The following GABRA3 variants were observed in gnomAD, a reference collection of about 807,000 sequenced individuals.
GABRA3 encodes the protein gamma-aminobutyric acid type A receptor subunit alpha3.
GABRA3 carries 10 observed loss-of-function variants against 30.1 expected under a neutral mutation model. The observed-to-expected ratio is 0.33, with a 90% CI of 0.20 to 0.56. The LOEUF is 0.56. Ranked by LOEUF, GABRA3 falls within the 20% of genes least tolerant of loss-of-function variation. GABRA3 has a pLI of 0.89. For missense variants in GABRA3, 233 were observed against 392.0 expected (o/e 0.59, Z 3.42); for synonymous variants, 151 against 146.8 (o/e 1.03, Z -0.21).
At chrX:152,419,331 G>T (rs958559869) in intron 1 of GABRA3, among the ~76,000 whole-genome samples, 2 of 109,492 alleles carry the variant, frequency 1.8e-5, no homozygotes, top group African/African-American at 6.6e-5. Context: ...CACAAAAAAA[G>T]AAGAAAAAAG....
At chrX:152,354,541 T>C (rs1470878028) in intron 2 of GABRA3, among the ~76,000 whole-genome samples, 1 of 111,450 alleles carries the variant, frequency 9.0e-6, no homozygotes, top group African/African-American at 3.3e-5. Flanking sequence ...CAAGAGAATA[T>C]TTGAAAGGAA....
At chrX:152,223,791 G>A (rs192501960) in intron 6 of GABRA3, among the ~76,000 whole-genome samples, 1 of 110,499 alleles carries the variant, frequency 9.0e-6, no homozygotes, top group East Asian at 2.9e-4. Flanking sequence ...AGGCATGGAT[G>A]ATTCCCCTAA....
intron 3 of GABRA3, among the ~76,000 whole-genome samples, chrX:152,304,253 C>A (rs192239231): frequency 3.6e-5 from 4 of 111,853 alleles, no homozygotes; most frequent in African/African-American, 1.3e-4. Context: ...TGTAGGTTGT[C>A]TGTTAACTCT....
chrX:152,302,490 G>T (rs1161390056), intron 3 of GABRA3, among the ~76,000 whole-genome samples: 1 of 111,303 alleles, frequency 9.0e-6, no homozygotes, highest in Non-Finnish European at 1.9e-5. Context: ...TATATAATGA[G>T]ATATTTTGGG....
rs184820400 is a variant in GABRA3 at position 152,436,427 on chromosome X, A to G, written c.-27+14719T>C. 1.7e-4 allele frequency among the ~76,000 whole-genome samples: 19 copies of G among 111,692 alleles called. No individual in the cohort carries two copies. In the East Asian group the frequency reaches 5.4e-3, roughly 32 times the overall value. On this transcript the variant is annotated intron_variant, in intron 1 of 9. Transcript: ENST00000370314. ...GGAGCATGTCCCTCCATTTGTGGTA[A>G]CCAAAAATGTCTCCAGACATTGCCA...
intron 5 of GABRA3, among the ~76,000 whole-genome samples, chrX:152,240,166 A>T (rs756102130): frequency 1.9e-4 from 20 of 104,524 alleles, no homozygotes; most frequent in Middle Eastern, 4.7e-3. Flanking sequence ...CGCTTCCTTC[A>T]GGAGCACTTT....
At chrX:152,217,383 G>A (rs1264161661) in intron 6 of GABRA3, among the ~76,000 whole-genome samples, 1 of 111,411 alleles carries the variant, frequency 9.0e-6, no homozygotes, top group Non-Finnish European at 1.9e-5. Flanking sequence ...ATACTCATAA[G>A]AAATACTTGT....
At chrX:152,227,824 C>T (rs753911646) in intron 5 of GABRA3, among the ~76,000 whole-genome samples, 8 of 110,506 alleles carry the variant, frequency 7.2e-5, no homozygotes, top group African/African-American at 2.0e-4. Flanking sequence ...TCACACAACC[C>T]GGAGAGCTGC....
At chrX:152,237,564 T>C (rs1429228520) in intron 5 of GABRA3, among the ~76,000 whole-genome samples, 3 of 104,788 alleles carry the variant, frequency 2.9e-5, no homozygotes, top group Non-Finnish European at 3.9e-5. Context: ...GGGATGGCAT[T>C]GAATCTGTAA....
chrX:152,304,998 G>A (rs1449500622), intron 3 of GABRA3, among the ~76,000 whole-genome samples: 4 of 111,278 alleles, frequency 3.6e-5, no homozygotes, highest in Non-Finnish European at 5.7e-5. Context: ...AATGAACAAA[G>A]CAAGCAATTT....
At chrX:152,275,794 TAA>T (rs919558705) in intron 4 of GABRA3, among the ~76,000 whole-genome samples, 7 of 108,687 alleles carry the variant, frequency 6.4e-5, no homozygotes, top group African/African-American at 2.3e-4. Context: ...TTATATCCTG[TAA>T]ATAAATCATT....
intron 4 of GABRA3, among the ~76,000 whole-genome samples, chrX:152,261,171 C>T (rs1938722678): frequency 1.8e-5 from 2 of 110,632 alleles, no homozygotes; most frequent in Admixed American, 1.9e-4. Flanking sequence ...ATTTAATCAC[C>T]CCCACCAGGC....
At chrX:152,277,477 C>T (rs1455548267) in intron 4 of GABRA3, among the ~76,000 whole-genome samples, 1 of 110,945 alleles carries the variant, frequency 9.0e-6, no homozygotes, top group Non-Finnish European at 1.9e-5. Flanking sequence ...CCATTTTCCC[C>T]CCTGATTATC....
rs1387900106 is a variant in GABRA3 at position 152,445,018 on chromosome X, G to A, written c.-27+6128C>T. On this transcript the variant is annotated intron_variant, in intron 1 of 9. Coordinates refer to ENST00000370314, the MANE Select transcript of GABRA3 (RefSeq NM_000808.4). ...GGAGCTTGCAGTGAGCCGAGATCCCGCCACTGCACTCCAGCCTGGGCAACA... is the reference window on the plus strand; with the variant it reads ...GGAGCTTGCAGTGAGCCGAGATCCCACCACTGCACTCCAGCCTGGGCAACA... Among the ~76,000 whole-genome samples the A allele has an allele frequency of 2.7e-4, 17 of 63,961 alleles. 1 individual carries two copies. The highest frequency in any genetic ancestry group is 1.0e-3 in the African/African-American group (16 of 15,389). 55.5% of individuals were successfully genotyped at this position (63,961 alleles called of 115,157 possible).
At chrX:152,342,749 C>A (rs780027729) in intron 3 of GABRA3, among the ~76,000 whole-genome samples, 1 of 111,429 alleles carries the variant, frequency 9.0e-6, no homozygotes, top group Admixed American at 9.6e-5. Context: ...TAGTTAAATT[C>A]TTTGAAGCTT....
At chrX:152,436,942 A>T (rs1236211933) in intron 1 of GABRA3, among the ~76,000 whole-genome samples, 1 of 111,576 alleles carries the variant, frequency 9.0e-6, no homozygotes. Flanking sequence ...CTTCTAAAGA[A>T]TTTGTATTAT....
At chrX:152,324,118 T>C (rs1003075014) in intron 3 of GABRA3, among the ~76,000 whole-genome samples, 4 of 112,450 alleles carry the variant, frequency 3.6e-5, no homozygotes, top group Non-Finnish European at 7.5e-5. Flanking sequence ...GCTCATTTAT[T>C]TGTTGGTGGA....
chrX:152,359,580 C>T (rs1224171589), intron 2 of GABRA3, among the ~76,000 whole-genome samples: 1 of 110,184 alleles, frequency 9.1e-6, no homozygotes, highest in Non-Finnish European at 1.9e-5. Context: ...TTTGTTATTT[C>T]TTGTCTTTTG....
At chrX:152,298,933 G>C (rs950090028) in intron 3 of GABRA3, among the ~76,000 whole-genome samples, 1 of 111,498 alleles carries the variant, frequency 9.0e-6, no homozygotes, top group Non-Finnish European at 1.9e-5. Flanking sequence ...GGTGTAAAAA[G>C]GGAGTTGATT....
Sources: allele counts gnomAD v4.1 joint callset (sites outside exome capture counted in the v4.1 genomes callset), GRCh38; gene constraint gnomAD v4.1.1; transcripts MANE v1.5; gene names NCBI Gene and HGNC (gene_info 2026-07-23, HGNC 2026-07-21).